SGIP1: variants seen among roughly 807,000 people sequenced by gnomAD.
SGIP1 encodes the protein SH3-containing GRB2-like protein 3-interacting protein 1.
In SGIP1, 38 loss-of-function variants were observed where a neutral mutation model predicts 107.5. The observed-to-expected ratio is 0.35, with a 90% confidence interval of 0.27 to 0.46. The LOEUF (loss-of-function observed/expected upper bound fraction) is 0.46, where lower values mean the gene tolerates loss of function less well. Ranked by LOEUF, SGIP1 falls within the 20% of genes least tolerant of loss-of-function variation. The pLI is 1.00. For missense variants in SGIP1, 929 were observed against 1,019.5 expected, an observed-to-expected ratio of 0.91 and a Z score of 1.21; for synonymous variants, 365 against 366.1, an observed-to-expected ratio of 1.00 and a Z score of 0.03.
At chr1:66,658,849 A>G (rs766398413) in intron 7 of SGIP1, among the ~76,000 whole-genome samples, 1 of 152,214 alleles carries the variant, frequency 6.6e-6, no homozygotes, top group Non-Finnish European at 1.5e-5. Context: ...AGAAGGGAAC[A>G]ATTTATTTTG....
At chr1:66,614,788 T>C (rs1344763395) in intron 1 of SGIP1, among the ~76,000 whole-genome samples, 1 of 147,114 alleles carries the variant, frequency 6.8e-6, no homozygotes, top group Non-Finnish European at 1.5e-5. Context: ...AGAATTCTAA[T>C]AGGGGCTATG....
chr1:66,549,525 A>C (rs2057067863), intron 1 of SGIP1, among the ~76,000 whole-genome samples: 1 of 152,210 alleles, frequency 6.6e-6, no homozygotes, highest in Non-Finnish European at 1.5e-5. Context: ...GGCAAGCATT[A>C]AATGACACTA....
chr1:66,536,220 A>G (rs1028966611), intron 1 of SGIP1, among the ~76,000 whole-genome samples: 1 of 142,430 alleles, frequency 7.0e-6, no homozygotes, highest in Non-Finnish European at 1.5e-5. Flanking sequence ...TCTAATGAAC[A>G]ATGTTATCTT....
chr1:66,545,545 T>C (rs537371465), intron 1 of SGIP1, among the ~76,000 whole-genome samples: 1 of 151,942 alleles, frequency 6.6e-6, no homozygotes, highest in African/African-American at 2.4e-5. Flanking sequence ...CATGGGTAAT[T>C]TAAACATGTA....
chr1:66,611,428 G>A (rs2149156546), intron 1 of SGIP1, among the ~76,000 whole-genome samples: 1 of 152,378 alleles, frequency 6.6e-6, no homozygotes, highest in African/African-American at 2.4e-5. Flanking sequence ...TCTCTTCTGT[G>A]TAGTGCAGAG....
chr1:66,560,729 G>T (rs1387008661), intron 1 of SGIP1, among the ~76,000 whole-genome samples: 2 of 151,914 alleles, frequency 1.3e-5, no homozygotes, highest in East Asian at 3.9e-4. Flanking sequence ...AAGAAAGCAG[G>T]ACAACATGTT....
chr1:66,621,565 CA>C (rs1419433573), intron 1 of SGIP1, among the ~76,000 whole-genome samples: 1 of 152,178 alleles, frequency 6.6e-6, no homozygotes, highest in Non-Finnish European at 1.5e-5. Context: ...TATATCACCC[CA>C]AAAGGAAATC....
intron 1 of SGIP1, among the ~76,000 whole-genome samples, chr1:66,607,302 A>G (rs577797695): frequency 1.9e-4 from 29 of 152,334 alleles, no homozygotes; most frequent in African/African-American, 6.5e-4. Context: ...GAGTTTTATC[A>G]CCCACAGTGT....
At chr1:66,710,844 A>G (rs916477003) in intron 18 of SGIP1, among the ~76,000 whole-genome samples, 10 of 152,174 alleles carry the variant, frequency 6.6e-5, no homozygotes, top group African/African-American at 2.4e-4. Context: ...AAGAAGAGGG[A>G]AAAACATAAG....
intron 18 of SGIP1, among the ~76,000 whole-genome samples, chr1:66,698,264 T>C (rs2091295787): frequency 6.6e-6 from 1 of 152,240 alleles, no homozygotes; most frequent in Non-Finnish European, 1.5e-5. Context: ...CGAGTCCCAG[T>C]GCTTTTCTGA....
Position 66,744,420 on chromosome 1 carries a change from T to A in SGIP1, c.*1325T>A, listed in dbSNP as rs2094526360. 6.6e-6 allele frequency: 1 copy of A among 152,004 alleles called. No individual in the cohort carries two copies. Among genetic ancestry groups the A allele is most frequent in the Non-Finnish European group, 1.5e-5 (1 of 67,940 alleles). 9.4% of individuals were successfully genotyped at this position (152,004 alleles called of 1,614,324 possible). ...TTAGAAAGACAAACTTCTTCGGGAGTCTCAGTTGTAAAACCTTCCCTCATT... is the reference window on the plus strand; with the variant it reads ...TTAGAAAGACAAACTTCTTCGGGAGACTCAGTTGTAAAACCTTCCCTCATT... On this transcript the variant is annotated 3_prime_UTR_variant, in exon 25 of 25. Transcript: ENST00000371037.
At chr1:66,619,236 C>T (rs2070293979) in intron 1 of SGIP1, among the ~76,000 whole-genome samples, 2 of 152,168 alleles carry the variant, frequency 1.3e-5, no homozygotes, top group Non-Finnish European at 2.9e-5. Flanking sequence ...ACCTCAGGAA[C>T]ATGATCTCCA....
At chr1:66,589,825 A>G (rs2063339834) in intron 1 of SGIP1, among the ~76,000 whole-genome samples, 1 of 152,196 alleles carries the variant, frequency 6.6e-6, no homozygotes, top group African/African-American at 2.4e-5. Flanking sequence ...TCTGACTACC[A>G]AGGTTCTACT....
intron 1 of SGIP1, chr1:66,616,099 G>T (rs968597754): frequency 3.3e-5 from 5 of 152,214 alleles, no homozygotes; most frequent in African/African-American, 1.2e-4. Flanking sequence ...CCTGCTGCAT[G>T]AAAGAGTTAT....
intron 2 of SGIP1, among the ~76,000 whole-genome samples, chr1:66,632,598 C>T (rs765307693): frequency 1.3e-5 from 2 of 152,138 alleles, no homozygotes; most frequent in East Asian, 1.9e-4. Context: ...CTTTTGATTG[C>T]GCCTGTGAAT....
chr1:66,656,988 C>G (rs530846051), intron 7 of SGIP1, among the ~76,000 whole-genome samples: 66 of 151,704 alleles, frequency 4.4e-4, no homozygotes, highest in Admixed American at 1.6e-3. Context: ...AGCAACATAG[C>G]GAGACCCCGT....
intron 19 of SGIP1, among the ~76,000 whole-genome samples, chr1:66,722,865 C>A (rs999538761): frequency 1.3e-5 from 2 of 152,140 alleles, no homozygotes; most frequent in African/African-American, 4.8e-5. Flanking sequence ...CTTGGCATTC[C>A]AATGACATGG....
At chr1:66,579,963 T>A (rs546676006) in intron 1 of SGIP1, among the ~76,000 whole-genome samples, 1 of 152,280 alleles carries the variant, frequency 6.6e-6, no homozygotes, top group South Asian at 2.1e-4. Flanking sequence ...ACTGTCAGAA[T>A]ATGTCTCAGA....
Position 66,667,291 on chromosome 1 carries a change from A to G in SGIP1, c.472-239A>G, listed in dbSNP as rs2082789760. On this transcript the variant is annotated intron_variant, in intron 8 of 24. Coordinates refer to ENST00000371037, the MANE Select transcript of SGIP1 (RefSeq NM_032291.4). ...TCTTATGTACACATAACTAAAACTT[A>G]CATACCCACATTAGCAAAGCTGTAT... Among the ~76,000 whole-genome samples the G allele has an allele frequency of 2.0e-5, 3 of 152,220 alleles. 1 individual carries two copies. In the South Asian group the frequency reaches 6.2e-4, roughly 31 times the overall value.
Sources: allele counts gnomAD v4.1 joint callset (sites outside exome capture counted in the v4.1 genomes callset), GRCh38; gene constraint gnomAD v4.1.1; transcripts MANE v1.5; gene names NCBI Gene and HGNC (gene_info 2026-07-23, HGNC 2026-07-21).